Variants in ANPEP observed in about 807,000 individuals in gnomAD.
ANPEP encodes aminopeptidase N.
Under a neutral mutation model 114.6 loss-of-function variants are expected in ANPEP, and 70 were observed. The ratio of observed to expected loss-of-function variants is 0.61; its 90% CI spans 0.50 to 0.75. The LOEUF is 0.75. Among genes scored for constraint, ANPEP ranks in the 30% least tolerant of loss-of-function variants. The probability of loss-of-function intolerance (pLI) is 0.00; values close to 1 mark genes in which losing one functional copy is unlikely to be tolerated. For synonymous variants in ANPEP, 548 were observed against 522.3 expected (o/e 1.05, Z -0.67); for missense variants, 1,184 against 1,259.5 (o/e 0.94, Z 0.91).
chr15:89,796,829 CTCT>C (rs1177804168), intron 15 of ANPEP, among the ~76,000 whole-genome samples: 3 of 152,184 alleles, frequency 2.0e-5, no homozygotes, highest in African/African-American at 4.8e-5. Context: ...GAAAAAAGAT[CTCT>C]TCAAGCATGA....
chr15:89,801,342 T>C, intron 11 of ANPEP, 93 bp downstream of exon 11: 1 of 1,559,972 alleles, frequency 6.4e-7, no homozygotes, highest in Non-Finnish European at 8.8e-7. Flanking sequence ...TGGCTGGGGC[T>C]GGGACCACAG....
rs1894683652 is a variant in ANPEP at position 89,805,190 on chromosome 15, G to C, written c.785C>G (p.Pro262Arg). ...GTGGAACTCAGTGACATTCCAGTTG[G>C]GGTCTTCTGGAAGTGGGGTGCTGGG... ...KGPSTPLPEDPNWNVTEFHTT... is the reference protein window; with the variant it reads ...KGPSTPLPEDRNWNVTEFHTT... Residue 262 changes from proline (P) to arginine (R), a missense_variant, in exon 4 of 21, where the codon CCC (proline) becomes CGC (arginine). Coordinates refer to ENST00000300060, the MANE Select transcript of ANPEP (RefSeq NM_001150.3). 6.2e-7 allele frequency: 1 copy of C among 1,614,220 alleles called. No homozygotes were observed.
intron 1 of ANPEP, among the ~76,000 whole-genome samples, chr15:89,811,794 G>A (rs1050048745): frequency 6.6e-6 from 1 of 152,186 alleles, no homozygotes; most frequent in African/African-American, 2.4e-5. Context: ...TGTCTTTGGT[G>A]CAGGCTCTTT....
At chr15:89,808,506 GC>G (rs1894764278) in intron 1 of ANPEP, among the ~76,000 whole-genome samples, 1 of 152,234 alleles carries the variant, frequency 6.6e-6, no homozygotes, top group African/African-American at 2.4e-5. Flanking sequence ...TTGAGTGGAT[GC>G]GCACATGCAC....
At position 89,797,464 on chromosome 15, in the gene ANPEP, G is replaced by C. The variant is rs1373392679; in HGVS notation, c.2157+111C>G. 2.4e-5 allele frequency: 33 copies of C among 1,399,660 alleles called. 1 individual carries two copies. The South Asian group carries it at 4.9e-4, about 21-fold the overall frequency. 86.7% of individuals were successfully genotyped at this position (1,399,660 alleles called of 1,614,324 possible). A position where few individuals can be genotyped will look rare whatever the true frequency, so the allele number is the denominator to read the frequency against. On this transcript the variant is annotated intron_variant, in intron 15 of 20. Transcript: ENST00000300060. The stretch of plus-strand genomic sequence containing the variant: ...TTTTTTGGTTTTTTGTTTTGCTTTT[G>C]AAGGTTCCCTGACCAGGAGTCCAGT...
Position 89,804,729 on chromosome 15 carries a change from A to G in ANPEP, c.898-112T>C, listed in dbSNP as rs2141809661. 2.8e-6 allele frequency: 4 copies of G among 1,437,942 alleles called. No individual in the cohort carries two copies. The South Asian group carries it at 3.9e-5, about 14-fold the overall frequency. 89.1% of individuals were successfully genotyped at this position (1,437,942 alleles called of 1,614,324 possible). ...GGGATCCCTGATGGGCCAGGGCTGG[A>G]GGCCAATCAAGCTAAACCTAGAGGC... is the stretch of plus-strand genomic sequence containing the variant. On this transcript the variant is annotated intron_variant, in intron 4 of 20. Transcript: ENST00000300060.
At position 89,792,434 on chromosome 15, in the gene ANPEP, C is replaced by A; in HGVS notation, c.2360+18G>T. 6.2e-7 allele frequency: 1 copy of A among 1,613,370 alleles called. No individual in the cohort carries two copies. The highest frequency in any genetic ancestry group is 1.1e-5 in the South Asian group (1 of 91,064). On this transcript the variant is annotated intron_variant, in intron 17 of 20. Coordinates refer to ENST00000300060, the MANE Select transcript of ANPEP (RefSeq NM_001150.3). ...GGCAGATGAAGACTGGCAGAGGAGG[C>A]GCAGGGGAGACACTCACGGGTTATT...
At chr15:89,808,203 G>A (rs1894757245) in intron 1 of ANPEP, among the ~76,000 whole-genome samples, 1 of 152,150 alleles carries the variant, frequency 6.6e-6, no homozygotes, top group Non-Finnish European at 1.5e-5. Flanking sequence ...CAGGGCCTTG[G>A]CACAACCTGT....
At position 89,803,869 on chromosome 15, in the gene ANPEP, C is replaced by G. The variant is rs777309804; in HGVS notation, c.1293+20G>C. On this transcript the variant is annotated intron_variant, in intron 7 of 20. Coordinates refer to ENST00000300060, the MANE Select transcript of ANPEP (RefSeq NM_001150.3). The surrounding 1 kb of genome is among the most constrained non-coding windows in gnomAD (Gnocchi z 4.2). ...CTCCCTCCATGCCCCCCGCACCAGA[C>G]CCCTGGGCAGCTGGCTTACCAAGTT... is the stretch of plus-strand genomic sequence containing the variant. 6.2e-7 allele frequency: 1 copy of G among 1,614,118 alleles called. No individual in the cohort carries two copies. Among genetic ancestry groups the G allele is most frequent in the Admixed American group, 1.7e-5 (1 of 60,028 alleles).
chr15:89,796,651 C>T (rs1311759818), intron 15 of ANPEP, among the ~76,000 whole-genome samples: 2 of 150,490 alleles, frequency 1.3e-5, no homozygotes, highest in Non-Finnish European at 2.9e-5. Context: ...CCACGCCTGG[C>T]TAATTTTTTG....
chr15:89,798,939 A>AAAAC (rs35792576), intron 14 of ANPEP, among the ~76,000 whole-genome samples: 79,886 of 150,560 alleles, frequency 0.53, 22,798 homozygotes, highest in Non-Finnish European at 0.65. Flanking sequence ...ACTCCGTCTC[A>AAAAC]AAACAAACAA....
At chr15:89,795,091 G>GAAAAAAAAAAAAAA (rs57368902) in intron 15 of ANPEP, among the ~76,000 whole-genome samples, 1 of 130,342 alleles carries the variant, frequency 7.7e-6, no homozygotes, top group African/African-American at 2.8e-5. Context: ...CGAGTCAATG[G>GAAAAAAAAAAAAAA]AAAAAAAAAA....
At chr15:89,795,591 A>G (rs1386410726) in intron 15 of ANPEP, among the ~76,000 whole-genome samples, 1 of 152,204 alleles carries the variant, frequency 6.6e-6, no homozygotes, top group Non-Finnish European at 1.5e-5. Flanking sequence ...TGGGCATCGC[A>G]TCAGCAACAT....
chr15:89,792,254 C>A lies in ANPEP; in HGVS notation c.2434G>T (p.Ala812Ser). The A allele has an allele frequency of 1.2e-6, 2 of 1,614,212 alleles. No individual in the cohort carries two copies. Among genetic ancestry groups the A allele is most frequent in the Non-Finnish European group, 1.7e-6 (2 of 1,180,026 alleles). The change falls in exon 18 of 21, where the codon GCC (alanine) becomes TCC (serine). Residue 812 changes from alanine (A) to serine (S), a missense_variant. By Grantham distance (99) the Ala-to-Ser change is moderately conservative (BLOSUM62 1). Coordinates refer to ENST00000300060, the MANE Select transcript of ANPEP (RefSeq NM_001150.3). ...GTGGCATTTCGGAACTGCTCCCAGGCGAAGTCCCACTCCTCCTCCCCGCCC... is the reference window on the plus strand; with the variant it reads ...GTGGCATTTCGGAACTGCTCCCAGGAGAAGTCCCACTCCTCCTCCCCGCCC... ...AQGGEEEWDFAWEQFRNATLV... is the reference protein window; with the variant it reads ...AQGGEEEWDFSWEQFRNATLV...
At position 89,797,515 on chromosome 15, in the gene ANPEP, T is replaced by C. The variant is rs535207352; in HGVS notation, c.2157+60A>G. 1.5e-5 allele frequency: 23 copies of C among 1,566,862 alleles called. No individual in the cohort carries two copies. The African/African-American group carries it at 1.9e-4, about 13-fold the overall frequency. ...AGGCAATAGTCTATTAACTTCCTAA[T>C]AGTGCACTTTCAGGCACTGGGGCGA... On this transcript the variant is annotated intron_variant, in intron 15 of 20. Transcript: ENST00000300060.
intron 1 of ANPEP, among the ~76,000 whole-genome samples, chr15:89,812,987 G>T (rs956711151): frequency 6.6e-6 from 1 of 152,128 alleles, no homozygotes; most frequent in Non-Finnish European, 1.5e-5. Flanking sequence ...GCTGGGGGCT[G>T]CTTCCAGACA....
chr15:89,791,384 G>T (rs995197901), intron 18 of ANPEP, among the ~76,000 whole-genome samples: 21 of 152,164 alleles, frequency 1.4e-4, no homozygotes, highest in Middle Eastern at 3.4e-3. Context: ...CCAGGTGGGT[G>T]GTCACTCCCG....
rs750748350 is a variant in ANPEP, at chr15:89,799,163, T to C, written c.2009+97A>G. On this transcript the variant is annotated intron_variant, in intron 14 of 20. Transcript: ENST00000300060. This position sits in a 1 kb window ranked among gnomAD's most constrained non-coding sequence, Gnocchi z 4.2. Reference sequence around the variant, plus strand: ...AGCTCAGGGCACAGCACGTGGCATATGGGAAGGGCAGCAGGAGGAGCAGGG... The same window carrying C: ...AGCTCAGGGCACAGCACGTGGCATACGGGAAGGGCAGCAGGAGGAGCAGGG... 8 of 1,420,158 alleles carry C rather than the reference T, an allele frequency of 5.6e-6. No individual in the cohort carries two copies. Among genetic ancestry groups the C allele is most frequent in the Non-Finnish European group, 7.9e-6 (8 of 1,010,824 alleles). 88.0% of individuals were successfully genotyped at this position (1,420,158 alleles called of 1,614,324 possible).
Position 89,804,628 on chromosome 15 carries a change from T to C in ANPEP, c.898-11A>G, listed in dbSNP as rs764301557. On this transcript the variant is annotated splice_polypyrimidine_tract_variant and intron_variant, in intron 4 of 20. Transcript: ENST00000300060. ...GGCCCAGATCCGGATCTGCAAGGTGTGAGGAAGAAGCAGACCAGGGGCTCC... is the reference window on the plus strand; with the variant it reads ...GGCCCAGATCCGGATCTGCAAGGTGCGAGGAAGAAGCAGACCAGGGGCTCC... 1.9e-6 allele frequency: 3 copies of C among 1,612,334 alleles called. No homozygotes were observed. Among genetic ancestry groups the C allele is most frequent in the Non-Finnish European group, 2.5e-6 (3 of 1,179,240 alleles).
Sources: gnomAD v4.1 joint callset for allele counts (sites outside exome capture counted in the v4.1 genomes callset) on GRCh38, gnomAD v4.1.1 for gene constraint, Gnocchi (gnomAD v3.1) non-coding constraint, MANE v1.5 for transcripts, NCBI Gene and HGNC (gene_info 2026-07-23, HGNC 2026-07-21) for gene names.